The following ROCK2 variants were observed in gnomAD, a reference collection of about 807,000 sequenced individuals.
ROCK2 encodes Rho associated coiled-coil containing protein kinase 2, also known as rho-associated protein kinase 2.
Under a neutral mutation model 195.1 loss-of-function variants are expected in ROCK2, and 61 were observed. The ratio of observed to expected loss-of-function variants is 0.31; its 90% CI spans 0.25 to 0.39. The LOEUF (loss-of-function observed/expected upper bound fraction) is 0.39, where lower values mean the gene tolerates loss of function less well. Among genes scored for constraint, ROCK2 ranks in the 10% least tolerant of loss-of-function variants. ROCK2 has a pLI of 1.00. For missense variants in ROCK2, 1,109 were observed against 1,637.4 expected, an observed-to-expected ratio of 0.68 and a Z score of 5.57; for synonymous variants, 504 against 545.5, an observed-to-expected ratio of 0.92 and a Z score of 1.06.
chr2:11,215,441 C>T, intron 14 of ROCK2, 29 bp from the exon 15 acceptor site: 12 of 1,603,216 alleles, frequency 7.5e-6, no homozygotes, highest in African/African-American at 1.3e-5. Flanking sequence ...CAGTGGCAAG[C>T]TTAGCATAAC....
chr2:11,241,805 C>T (rs1385946583), intron 4 of ROCK2, among the ~76,000 whole-genome samples: 1 of 152,120 alleles, frequency 6.6e-6, no homozygotes, highest in Non-Finnish European at 1.5e-5. Context: ...TTTGTGTTCC[C>T]TCAAAATTCA....
chr2:11,319,507 C>T (rs1462477559), intron 1 of ROCK2, among the ~76,000 whole-genome samples: 1 of 152,164 alleles, frequency 6.6e-6, no homozygotes. Context: ...TGGGCTGAGA[C>T]GATGGGGTTT....
intron 17 of ROCK2, among the ~76,000 whole-genome samples, chr2:11,213,208 C>T (rs963925082): frequency 5.9e-5 from 9 of 152,160 alleles, no homozygotes; most frequent in Non-Finnish European, 1.2e-4. Flanking sequence ...GTCTCTCTAC[C>T]TCTAGTCTTG....
At chr2:11,329,354 T>C (rs549450414) in intron 1 of ROCK2, among the ~76,000 whole-genome samples, 3 of 152,132 alleles carry the variant, frequency 2.0e-5, no homozygotes, top group East Asian at 3.9e-4. Flanking sequence ...AACTGAGTAG[T>C]TCTGTTTAAA....
chr2:11,203,617 G>T (rs765136970), intron 20 of ROCK2, among the ~76,000 whole-genome samples: 5 of 152,038 alleles, frequency 3.3e-5, no homozygotes, highest in Admixed American at 6.5e-5. Context: ...CTGCTTAGGA[G>T]GTTTATCCTC....
At position 11,224,361 on chromosome 2, in the gene ROCK2, T is replaced by C. The variant is rs754726374; in HGVS notation, c.968A>G (p.Lys323Arg). 1.2e-6 allele frequency: 2 copies of C among 1,613,440 alleles called. No homozygotes were observed. The highest frequency in any genetic ancestry group is 1.7e-6 in the Non-Finnish European group (2 of 1,179,636). The change falls in exon 7 of 33, where the codon AAA becomes AGA. Residue 323 changes from lysine to arginine, a missense_variant. Physicochemically the swap from Lys to Arg is conservative, Grantham distance 26 (BLOSUM62 2). Transcript: ENST00000315872. Reference protein sequence around the residue: ...LCFPEDAEISKHAKNLICAFL... With the variant: ...LCFPEDAEISRHAKNLICAFL... ...AGCACAGATGAGATTCTTTGCATGT[T>C]TGGAAATTTCTGCATCTTCAGGGAA...
chr2:11,342,074 T>TA, intron 1 of ROCK2, among the ~76,000 whole-genome samples: 2 of 152,058 alleles, frequency 1.3e-5, no homozygotes, highest in East Asian at 3.9e-4. Flanking sequence ...TAATTTATTA[T>TA]AAAAAAATTT....
intron 4 of ROCK2, among the ~76,000 whole-genome samples, chr2:11,242,667 T>C (rs541298752): frequency 7.9e-5 from 12 of 152,306 alleles, no homozygotes; most frequent in Non-Finnish European, 1.3e-4. Flanking sequence ...ATCGCCCATA[T>C]GTGCATAAGA....
chr2:11,215,405 G>A lies in ROCK2; in HGVS notation c.1605C>T (p.Ser535=). 1.9e-6 allele frequency: 3 copies of A among 1,605,646 alleles called. No individual in the cohort carries two copies. Among genetic ancestry groups the A allele is most frequent in the South Asian group, 1.1e-5 (1 of 89,682 alleles). Residue 535 remains serine (S), a synonymous_variant, in exon 15 of 33, where the codon AGC becomes AGT. Coordinates refer to ENST00000315872, the MANE Select transcript of ROCK2 (RefSeq NM_004850.5). ...KKRNLENDVN[S]LKDQLEDLKK... ...TCAAATCTTCAAGTTGATCTTTTAA[G>A]CTGTTAACTATGATAAAAAGCATTT...
intron 1 of ROCK2, among the ~76,000 whole-genome samples, chr2:11,288,429 T>C (rs1167528105): frequency 6.6e-6 from 1 of 152,186 alleles, no homozygotes; most frequent in Non-Finnish European, 1.5e-5. Flanking sequence ...ATCACATACA[T>C]TGTCTCAACG....
At chr2:11,248,800 A>C (rs1665723214) in intron 4 of ROCK2, among the ~76,000 whole-genome samples, 2 of 151,324 alleles carry the variant, frequency 1.3e-5, no homozygotes, top group Non-Finnish European at 3.0e-5. Context: ...AAAAGGCAAA[A>C]TTAGGAGCCA....
In ROCK2 at chr2:11,197,638, A is replaced by C; in HGVS notation, c.3167T>G (p.Val1056Gly). The C allele has an allele frequency of 6.2e-7, 1 of 1,613,460 alleles. No homozygotes were observed. Among genetic ancestry groups the C allele is most frequent in the Non-Finnish European group, 8.5e-7 (1 of 1,179,724 alleles). ...EPVKRGNDTD[V>G]RRKEKENRKL... is the part of the protein sequence containing the mutation. ...TCTATTCTCCTTCTCTTTTCTCCGCACATCTGTGTCATTACCACGCTTGAC... is the reference window on the plus strand; with the variant it reads ...TCTATTCTCCTTCTCTTTTCTCCGCCCATCTGTGTCATTACCACGCTTGAC... Residue 1056 changes from valine (V) to glycine (G), a missense_variant, in exon 26 of 33, where the codon GTG becomes GGG. Val to Gly is a moderately radical substitution (Grantham distance 109). Around this residue, in one of 6 missense-constraint regions of ROCK2, gnomAD observed 29 missense variants for 75.0 expected, o/e 0.39. Transcript: ENST00000315872. This position sits in a 1 kb window ranked among gnomAD's most constrained non-coding sequence, Gnocchi z 4.9.
chr2:11,238,618 T>C (rs763658182), intron 4 of ROCK2, among the ~76,000 whole-genome samples: 18 of 152,060 alleles, frequency 1.2e-4, no homozygotes, highest in Middle Eastern at 3.4e-3. Context: ...GAGGCCTAAG[T>C]GGGAGGATGA....
intron 1 of ROCK2, among the ~76,000 whole-genome samples, chr2:11,302,170 T>C (rs562246988): frequency 2.6e-4 from 40 of 152,344 alleles, no homozygotes; most frequent in Middle Eastern, 6.8e-3. Context: ...ACATTATTTC[T>C]TACCTACTAA....
chr2:11,295,657 C>G (rs371479848), intron 1 of ROCK2, among the ~76,000 whole-genome samples: 1 of 151,982 alleles, frequency 6.6e-6, no homozygotes, highest in Admixed American at 6.6e-5. Context: ...CAGGGAAGAC[C>G]AGACTACCTT....
intron 1 of ROCK2, among the ~76,000 whole-genome samples, chr2:11,295,553 T>C (rs1264534115): frequency 6.6e-6 from 1 of 152,178 alleles, no homozygotes; most frequent in Admixed American, 6.5e-5. Context: ...TTATATGGCT[T>C]CAATATTTTG....
chr2:11,200,200 C>A (rs1016544362), intron 23 of ROCK2, among the ~76,000 whole-genome samples: 1 of 152,120 alleles, frequency 6.6e-6, no homozygotes, highest in Non-Finnish European at 1.5e-5. Flanking sequence ...AGATACAAAT[C>A]CCTTGTTTAA....
intron 3 of ROCK2, among the ~76,000 whole-genome samples, chr2:11,264,117 G>T (rs1666334235): frequency 6.6e-6 from 1 of 152,116 alleles, no homozygotes; most frequent in Non-Finnish European, 1.5e-5. Context: ...AAATAGTAAT[G>T]TCAGTCTAAC....
At chr2:11,295,410 A>C (rs1667480344) in intron 1 of ROCK2, among the ~76,000 whole-genome samples, 2 of 151,938 alleles carry the variant, frequency 1.3e-5, no homozygotes. Context: ...AGTATCACAG[A>C]TAGACTTTAG....
Sources: gnomAD v4.1 joint callset for allele counts (sites outside exome capture counted in the v4.1 genomes callset) on GRCh38, gnomAD v4.1.1 for gene constraint, gnomAD v4.1.1 regional missense constraint, Gnocchi (gnomAD v3.1) non-coding constraint, MANE v1.5 for transcripts, NCBI Gene and HGNC (gene_info 2026-07-23, HGNC 2026-07-21) for gene names.